The following TM2D1 variants were observed in gnomAD, a reference collection of about 807,000 sequenced individuals.
TM2D1 encodes the protein TM2 domain containing 1.
TM2D1 carries 15 observed loss-of-function variants against 28.4 expected under a neutral mutation model. The observed-to-expected ratio is 0.53, with a 90% CI of 0.35 to 0.81. The LOEUF (loss-of-function observed/expected upper bound fraction) is 0.81, where lower values mean the gene tolerates loss of function less well. TM2D1 is among the 40% of genes least tolerant of loss of function. The pLI, the probability that TM2D1 is intolerant of heterozygous loss-of-function variation, is 0.01. For missense variants in TM2D1, 236 were observed against 254.9 expected, an observed-to-expected ratio of 0.93 and a Z score of 0.50; for synonymous variants, 93 against 96.2, an observed-to-expected ratio of 0.97 and a Z score of 0.20.
intron 2 of TM2D1, among the ~76,000 whole-genome samples, chr1:61,709,701 T>C (rs748651668): frequency 1.3e-5 from 2 of 152,198 alleles, no homozygotes; most frequent in Non-Finnish European, 2.9e-5. Flanking sequence ...TTCAATCTCC[T>C]GCCTCTGATA....
chr1:61,707,736 T>C (rs1220686379), intron 3 of TM2D1, among the ~76,000 whole-genome samples: 1 of 152,150 alleles, frequency 6.6e-6, no homozygotes, highest in African/African-American at 2.4e-5. Context: ...CTCAATGAGG[T>C]AGGGTCAAAA....
chr1:61,701,120 C>T, intron 3 of TM2D1, 95 bp from the exon 4 acceptor site: 1 of 925,060 alleles, frequency 1.1e-6, no homozygotes, highest in South Asian at 1.6e-5. Flanking sequence ...TTCATTCTTT[C>T]ACTCAGTTAA....
At chr1:61,710,412 C>G (rs1275446616) in intron 2 of TM2D1, among the ~76,000 whole-genome samples, 1 of 106,478 alleles carries the variant, frequency 9.4e-6, no homozygotes, top group Non-Finnish European at 1.8e-5. Context: ...GGTGACAGAG[C>G]AAGACCCTGT....
intron 3 of TM2D1, among the ~76,000 whole-genome samples, chr1:61,705,188 G>A (rs746993352): frequency 2.2e-4 from 34 of 151,996 alleles, no homozygotes; most frequent in Non-Finnish European, 4.4e-4. Flanking sequence ...GCAGAGATTA[G>A]TTATTCACCG....
intron 2 of TM2D1, among the ~76,000 whole-genome samples, chr1:61,717,904 C>T (rs1188151706): frequency 1.3e-5 from 2 of 151,948 alleles, no homozygotes; most frequent in Non-Finnish European, 2.9e-5. Context: ...ATCCCAGCTA[C>T]TTGGGTGGCT....
intron 4 of TM2D1, chr1:61,696,166 C>A (rs555679436): frequency 6.6e-6 from 1 of 152,072 alleles, no homozygotes; most frequent in African/African-American, 2.4e-5. Flanking sequence ...TTCATATTTC[C>A]GAAATGTATT....
chr1:61,681,450 TTTTTTTCTCA>T (rs1371267058), intron 6 of TM2D1, 100 bp from the exon 7 acceptor site: 1 of 152,186 alleles, frequency 6.6e-6, no homozygotes, highest in Non-Finnish European at 1.5e-5. Context: ...GCTCAATGTA[TTTTTTTCTCA>T]TTCTTGGAGC....
chr1:61,702,762 A>G (rs555250119), intron 3 of TM2D1, among the ~76,000 whole-genome samples: 1 of 151,740 alleles, frequency 6.6e-6, no homozygotes, highest in Non-Finnish European at 1.5e-5. Flanking sequence ...ATATATATAT[A>G]TATGTAACAT....
chr1:61,716,509 TTA>T (rs1037401799), intron 2 of TM2D1, among the ~76,000 whole-genome samples: 5 of 145,640 alleles, frequency 3.4e-5, no homozygotes, highest in East Asian at 2.0e-4. Flanking sequence ...ATATATAATT[TTA>T]TATATGTATA....
chr1:61,705,135 T>C (rs189738277), intron 3 of TM2D1, among the ~76,000 whole-genome samples: 33 of 152,202 alleles, frequency 2.2e-4, no homozygotes, highest in Admixed American at 2.1e-3. Context: ...ATTATCTATG[T>C]AAGTAAATCA....
intron 2 of TM2D1, among the ~76,000 whole-genome samples, chr1:61,719,409 C>CAG (rs59016152): frequency 0.25 from 36,922 of 149,204 alleles, 4,514 homozygotes; most frequent in South Asian, 0.39. Flanking sequence ...AGTATATACA[C>CAG]AGAGAGAGAG....
At chr1:61,681,918 T>C (rs1570088397) in intron 6 of TM2D1, among the ~76,000 whole-genome samples, 1 of 152,146 alleles carries the variant, frequency 6.6e-6, no homozygotes, top group Admixed American at 6.6e-5. Context: ...TAGGTCTTGA[T>C]TTTTTTCCTG....
chr1:61,718,692 G>A (rs1214230565), intron 2 of TM2D1, among the ~76,000 whole-genome samples: 2 of 152,162 alleles, frequency 1.3e-5, no homozygotes, highest in East Asian at 3.8e-4. Context: ...GTGAGATGTT[G>A]GGAAGGACAC....
At chr1:61,717,121 A>T (rs1644527786) in intron 2 of TM2D1, among the ~76,000 whole-genome samples, 1 of 152,036 alleles carries the variant, frequency 6.6e-6, no homozygotes, top group Non-Finnish European at 1.5e-5. Context: ...GGCCGAGGCC[A>T]GCGGATCATG....
Position 61,723,591 on chromosome 1 carries a change from C to G in TM2D1, c.238+122G>C, listed in dbSNP as rs187905919. 1.1e-5 allele frequency: 5 copies of G among 476,090 alleles called. No homozygotes were observed. The East Asian group carries it at 1.6e-4, about 16-fold the overall frequency. The allele number at this position is 476,090 out of a possible 1,614,324, so 29.5% of individuals were successfully genotyped here. On this transcript the variant is annotated intron_variant, in intron 2 of 6. Transcript: ENST00000606498. ...CTCCAGTTTTAAGTTACTCTGGAAA[C>G]TGAATAATAATGTTATCATTTAGAA...
intron 5 of TM2D1, among the ~76,000 whole-genome samples, chr1:61,685,220 G>A (rs546186728): frequency 6.6e-6 from 1 of 152,296 alleles, no homozygotes; most frequent in East Asian, 1.9e-4. Context: ...GGTTAGTGAA[G>A]AGTTCATGCA....
rs528946765 is a variant in TM2D1, at chr1:61,693,652, G to A, written c.513+1045C>T. Among the ~76,000 whole-genome samples, 87 of 152,182 alleles carry A rather than the reference G, an allele frequency of 5.7e-4. 1 individual carries two copies. Among genetic ancestry groups the A allele is most frequent in the African/African-American group, 2.0e-3 (82 of 41,542 alleles). On this transcript the variant is annotated intron_variant, in intron 5 of 6. Coordinates refer to ENST00000606498, the MANE Select transcript of TM2D1 (RefSeq NM_032027.3). ...CTTGTTTAATTCTGGTATCTTATTGGTCCATATGCTGCCTCCTCCTCACAG... is the reference window on the plus strand; with the variant it reads ...CTTGTTTAATTCTGGTATCTTATTGATCCATATGCTGCCTCCTCCTCACAG...
chr1:61,721,305 G>T (rs1644562114), intron 2 of TM2D1, among the ~76,000 whole-genome samples: 1 of 151,916 alleles, frequency 6.6e-6, no homozygotes, highest in Non-Finnish European at 1.5e-5. Context: ...ACTTTGGGAG[G>T]ACGAGGCAGG....
intron 3 of TM2D1, among the ~76,000 whole-genome samples, chr1:61,707,923 C>T (rs866857161): frequency 1.3e-5 from 2 of 151,972 alleles, no homozygotes; most frequent in Non-Finnish European, 2.9e-5. Context: ...TAACAATATA[C>T]AGTTTTAGGC....
Sources: gnomAD v4.1 joint callset for allele counts (sites outside exome capture counted in the v4.1 genomes callset) on GRCh38, gnomAD v4.1.1 for gene constraint, MANE v1.5 for transcripts, NCBI Gene and HGNC (gene_info 2026-07-23, HGNC 2026-07-21) for gene names.